Variants in DISC1 observed in about 807,000 individuals in gnomAD.
DISC1 encodes disrupted in schizophrenia 1 protein.
DISC1 carries 57 observed loss-of-function variants against 84.5 expected under a neutral mutation model. The observed-to-expected ratio is 0.67, with a 90% confidence interval of 0.55 to 0.84. DISC1 has a LOEUF of 0.84. DISC1 is among the 40% of genes least tolerant of loss of function. DISC1 has a pLI of 0.00. For missense variants in DISC1, 1,000 were observed against 1,057.8 expected (o/e 0.95, Z 0.76); for synonymous variants, 411 against 415.2 (o/e 0.99, Z 0.12).
intron 1 of DISC1, among the ~76,000 whole-genome samples, chr1:231,639,012 A>G (rs2125152929): frequency 6.6e-6 from 1 of 152,298 alleles, no homozygotes; most frequent in Non-Finnish European, 1.5e-5. Flanking sequence ...GACTTACTGA[A>G]TTGGGTTGCT....
In DISC1 at chr1:231,932,000, AT is replaced by A. The variant is rs2090694065; in HGVS notation, c.1982-26825del. Among the ~76,000 whole-genome samples the A allele has an allele frequency of 2.0e-5, 3 of 151,862 alleles. No individual in the cohort carries two copies. The South Asian group carries it at 6.2e-4, about 32-fold the overall frequency. The stretch of plus-strand genomic sequence containing the variant: ...GCTCATGGCCGTGGGGAGCCCGACT[AT>A]TTGCATACGTGTTTTTTGCTCAGTA... On this transcript the variant is annotated intron_variant, in intron 9 of 12. Transcript: ENST00000439617.
chr1:231,833,961 G>A (rs1341888122), intron 9 of DISC1, among the ~76,000 whole-genome samples: 4 of 152,122 alleles, frequency 2.6e-5, no homozygotes, highest in African/African-American at 7.2e-5. Context: ...AGAATAAGAC[G>A]GCCTTTTGAC....
intron 9 of DISC1, among the ~76,000 whole-genome samples, chr1:231,833,473 C>T (rs2082398033): frequency 6.6e-6 from 1 of 151,788 alleles, no homozygotes; most frequent in South Asian, 2.1e-4. Context: ...TGTCAGTCTT[C>T]AGCTGCTAAG....
chr1:231,822,228 A>G (rs1254507269), intron 9 of DISC1, among the ~76,000 whole-genome samples: 11 of 152,180 alleles, frequency 7.2e-5, no homozygotes, highest in Non-Finnish European at 1.0e-4. Context: ...GAATTTTCCC[A>G]CCTTATGCCA....
Position 231,818,351 on chromosome 1 carries a change from A to G in DISC1, c.1815A>G (p.Lys605=). ...AISGNHFWTA[K]DLTEEIRSLT... is the part of the protein sequence containing the mutation. Reference sequence around the variant, plus strand: ...TAGGAAACCATTTCTGGACGGCTAAAGACCTCACCGAGGAGATTAGATCAT... The same window carrying G: ...TAGGAAACCATTTCTGGACGGCTAAGGACCTCACCGAGGAGATTAGATCAT... The change falls in exon 9 of 13, where the codon AAA becomes AAG. Residue 605 remains lysine, a synonymous_variant. Coordinates refer to ENST00000439617, the MANE Select transcript of DISC1 (RefSeq NM_018662.3). 2 of 1,613,994 alleles carry G rather than the reference A, an allele frequency of 1.2e-6. No homozygotes were observed. Among genetic ancestry groups the G allele is most frequent in the South Asian group, 1.1e-5 (1 of 91,080 alleles).
chr1:231,839,683 G>A (rs56166019), intron 9 of DISC1, among the ~76,000 whole-genome samples: 4,415 of 152,248 alleles, frequency 0.029, 105 homozygotes, highest in Non-Finnish European at 0.042. Flanking sequence ...AGGGTAATTT[G>A]TAAAGAAAAT....
At chr1:231,688,128 G>A (rs1190211372) in intron 1 of DISC1, among the ~76,000 whole-genome samples, 1 of 152,074 alleles carries the variant, frequency 6.6e-6, no homozygotes, top group Non-Finnish European at 1.5e-5. Flanking sequence ...GACATTTCTG[G>A]GAATAAAGAG....
chr1:231,750,570 C>T (rs1278283639), intron 4 of DISC1: 1 of 986,010 alleles, frequency 1.0e-6, no homozygotes, highest in Non-Finnish European at 1.2e-6. Context: ...GCAGTTGCTG[C>T]TTCTAATCCA....
chr1:231,683,913 T>C (rs2063955181), intron 1 of DISC1, among the ~76,000 whole-genome samples: 1 of 152,104 alleles, frequency 6.6e-6, no homozygotes. Context: ...TCAAGCTGGC[T>C]GCACTCAACA....
At position 231,689,885 on chromosome 1, in the gene DISC1, T is replaced by C. The variant is rs990285875; in HGVS notation, c.68-3941T>C. Among the ~76,000 whole-genome samples, 7 of 151,684 alleles carry C rather than the reference T, an allele frequency of 4.6e-5. No individual in the cohort carries two copies. The South Asian group carries it at 1.5e-3, about 32-fold the overall frequency. ...GGGAATGAGTGATGGAGGGAATGAG[T>C]GATATGGACAATTGGTGAAGCCCTG... On this transcript the variant is annotated intron_variant, in intron 1 of 12. Coordinates refer to ENST00000439617, the MANE Select transcript of DISC1 (RefSeq NM_018662.3).
chr1:231,903,088 G>A (rs573371127), intron 9 of DISC1, among the ~76,000 whole-genome samples: 2 of 142,942 alleles, frequency 1.4e-5, no homozygotes, highest in Admixed American at 7.2e-5. Context: ...TTTTGACAGA[G>A]TCATACTCTC....
intron 8 of DISC1, among the ~76,000 whole-genome samples, chr1:231,802,390 C>T (rs533600203): frequency 8.5e-4 from 129 of 152,214 alleles, no homozygotes; most frequent in Non-Finnish European, 4.7e-4. Context: ...CTTGCTTTCC[C>T]CTTGCCTTCC....
chr1:231,768,616 A>G (rs937153730), intron 5 of DISC1, among the ~76,000 whole-genome samples: 7 of 152,238 alleles, frequency 4.6e-5, no homozygotes, highest in Non-Finnish European at 1.0e-4. Context: ...TGGGAAAGGT[A>G]CTTGAATATT....
At chr1:231,901,451 G>C (rs745893492) in intron 9 of DISC1, among the ~76,000 whole-genome samples, 3 of 152,174 alleles carry the variant, frequency 2.0e-5, no homozygotes, top group Non-Finnish European at 4.4e-5. Context: ...TTAGAACCAA[G>C]TTCATATCTC....
rs187444634 is a variant in DISC1, at chr1:231,675,893, G to A, written c.68-17933G>A. 6.7e-6 allele frequency among the ~76,000 whole-genome samples: 1 copy of A among 149,226 alleles called. No homozygotes were observed. Among genetic ancestry groups the A allele is most frequent in the East Asian group, 2.0e-4 (1 of 4,970 alleles). ...GACACAGAATTCCCACTGTCGCCCA[G>A]GCTGGAATGCAATGATGTGATCTCG... On this transcript the variant is annotated intron_variant, in intron 1 of 12. Coordinates refer to ENST00000439617, the MANE Select transcript of DISC1 (RefSeq NM_018662.3). The surrounding 1 kb of genome is among the most constrained non-coding windows in gnomAD (Gnocchi z 4.1).
intron 9 of DISC1, among the ~76,000 whole-genome samples, chr1:231,863,986 C>G (rs1018363498): frequency 1.3e-5 from 2 of 152,180 alleles, no homozygotes; most frequent in Non-Finnish European, 2.9e-5. Context: ...TGTTTAGTGC[C>G]TTTCCACACA....
chr1:231,745,132 A>G (rs2073824349), intron 3 of DISC1, among the ~76,000 whole-genome samples: 2 of 152,166 alleles, frequency 1.3e-5, no homozygotes, highest in African/African-American at 4.8e-5. Flanking sequence ...ATAATTGTGC[A>G]TATTTATGGG....
chr1:231,839,442 T>G (rs2082865406), intron 9 of DISC1, among the ~76,000 whole-genome samples: 1 of 152,208 alleles, frequency 6.6e-6, no homozygotes, highest in Non-Finnish European at 1.5e-5. Flanking sequence ...TGATTATTGA[T>G]CTGGCTGGAC....
At position 231,818,512 on chromosome 1, in the gene DISC1, C is replaced by A. The variant is rs2081252745; in HGVS notation, c.1976C>A (p.Ala659Asp). 1 of 1,614,014 alleles carries A rather than the reference C, an allele frequency of 6.2e-7. No homozygotes were observed. Among genetic ancestry groups the A allele is most frequent in the African/African-American group, 1.3e-5 (1 of 75,026 alleles). The change falls in exon 9 of 13, where the codon GCC becomes GAC. Residue 659 changes from alanine to aspartate, a missense_variant. This residue lies in a region of DISC1 where 397 missense variants were observed against 377.5 expected (regional missense o/e 1.05). Coordinates refer to ENST00000439617, the MANE Select transcript of DISC1 (RefSeq NM_018662.3). ...LRREVEHQET[A>D]YETSVKENTM... is the part of the protein sequence containing the mutation. ...AGAGAAGTGGAGCACCAGGAGACTG[C>A]CTATGGTAGGTAGTGCACAACTGTT...
Sources: gnomAD v4.1 joint callset for allele counts (sites outside exome capture counted in the v4.1 genomes callset) on GRCh38, gnomAD v4.1.1 for gene constraint, gnomAD v4.1.1 regional missense constraint, Gnocchi (gnomAD v3.1) non-coding constraint, MANE v1.5 for transcripts, NCBI Gene and HGNC (gene_info 2026-07-23, HGNC 2026-07-21) for gene names.